ARHGAP21: variants seen among roughly 807,000 people sequenced by gnomAD.
The protein encoded by ARHGAP21 is rho GTPase-activating protein 21.
In ARHGAP21, 38 loss-of-function variants were observed where a neutral mutation model predicts 164.6. That is an observed-to-expected ratio of 0.23 (90% CI 0.18 to 0.30). ARHGAP21 has a LOEUF of 0.30. Ranked by LOEUF, ARHGAP21 falls within the 10% of genes least tolerant of loss-of-function variation. The pLI, the probability that ARHGAP21 is intolerant of heterozygous loss-of-function variation, is 1.00. For missense variants in ARHGAP21, 1,822 were observed against 2,370.7 expected (o/e 0.77, Z 4.81); for synonymous variants, 766 against 857.9 (o/e 0.89, Z 1.87).
chr10:24,689,430 C>A (rs1025336645), intron 2 of ARHGAP21, among the ~76,000 whole-genome samples: 1 of 152,112 alleles, frequency 6.6e-6, no homozygotes, highest in African/African-American at 2.4e-5. Context: ...CATATTCTTC[C>A]AGACTTTTTC....
intron 2 of ARHGAP21, among the ~76,000 whole-genome samples, chr10:24,689,940 ATG>A (rs550338378): frequency 6.8e-4 from 25 of 36,692 alleles, no homozygotes; most frequent in African/African-American, 2.4e-3. Context: ...ATATGTATAT[ATG>A]TATATGTGTG....
chr10:24,614,812 T>TA (rs1347360767), intron 9 of ARHGAP21, among the ~76,000 whole-genome samples: 4 of 150,186 alleles, frequency 2.7e-5, no homozygotes, highest in Non-Finnish European at 3.0e-5. Flanking sequence ...GGCTAGGTTT[T>TA]AAAAAAAACG....
rs1306643743 is a variant in ARHGAP21 at position 24,629,893 on chromosome 10, C to T, written c.495+103G>A. ...AAAGGAACCAGAGGGTTTTTAAATT[C>T]TAGAATTTTTTTTAAATTCCATCTT... On this transcript the variant is annotated intron_variant, in intron 7 of 25. Transcript: ENST00000396432. 3 of 867,002 alleles carry T rather than the reference C, an allele frequency of 3.5e-6. No individual in the cohort carries two copies. In the East Asian group the frequency reaches 7.5e-5, roughly 22 times the overall value. The allele number at this position is 867,002 out of a possible 1,614,324, so 53.7% of individuals were successfully genotyped here.
intron 9 of ARHGAP21, among the ~76,000 whole-genome samples, chr10:24,611,056 C>T (rs200685103): frequency 3.9e-5 from 6 of 152,102 alleles, no homozygotes; most frequent in African/African-American, 1.2e-4. Flanking sequence ...CTTCGTGTTC[C>T]GCAAGATAAC....
Position 24,619,251 on chromosome 10 carries a change from T to C in ARHGAP21, c.2422+222A>G, listed in dbSNP as rs184074396. 3.2e-3 allele frequency among the ~76,000 whole-genome samples: 439 copies of C among 138,708 alleles called. 1 individual carries two copies. The highest frequency in any genetic ancestry group is 5.1e-3 in the Non-Finnish European group (322 of 63,120). The allele number at this position is 138,708 out of a possible 152,430, so 91.0% of individuals were successfully genotyped here. On this transcript the variant is annotated intron_variant, in intron 9 of 25. Coordinates refer to ENST00000396432, the MANE Select transcript of ARHGAP21 (RefSeq NM_020824.4). ...AAATTTGAAATGGGTACTAGGTACA[T>C]GAAGTTTTTGTTTTTTTTTTAAAAA...
At chr10:24,654,191 A>G (rs866635244) in intron 4 of ARHGAP21, among the ~76,000 whole-genome samples, 5 of 152,152 alleles carry the variant, frequency 3.3e-5, no homozygotes, top group Middle Eastern at 3.2e-3. Context: ...GCAAAAACTG[A>G]AAGCATTCCC....
At chr10:24,630,599 C>T (rs188119973) in intron 6 of ARHGAP21, among the ~76,000 whole-genome samples, 231 of 152,248 alleles carry the variant, frequency 1.5e-3, no homozygotes, top group Admixed American at 2.6e-3. Context: ...CTAAGCCATT[C>T]TCATGCCTCA....
intron 5 of ARHGAP21, among the ~76,000 whole-genome samples, chr10:24,634,444 T>C (rs1161641443): frequency 6.6e-6 from 1 of 152,200 alleles, no homozygotes; most frequent in African/African-American, 2.4e-5. Flanking sequence ...TGCACTAATA[T>C]AAATGAAATC....
chr10:24,708,673 G>A (rs1844479382), intron 2 of ARHGAP21, among the ~76,000 whole-genome samples: 1 of 152,176 alleles, frequency 6.6e-6, no homozygotes, highest in African/African-American at 2.4e-5. Flanking sequence ...GCGAGAACAT[G>A]CAATATTCAA....
At chr10:24,670,489 G>A (rs904346900) in intron 2 of ARHGAP21, 92 bp from the exon 3 acceptor site, 14 of 786,708 alleles carry the variant, frequency 1.8e-5, no homozygotes, top group Non-Finnish European at 2.5e-5. Flanking sequence ...ATACCTGAGC[G>A]CCGATATGAA....
At position 24,607,606 on chromosome 10, in the gene ARHGAP21, A is replaced by T; in HGVS notation, c.2582-5T>A. 1 of 1,613,272 alleles carries T rather than the reference A, an allele frequency of 6.2e-7. No individual in the cohort carries two copies. Among genetic ancestry groups the T allele is most frequent in the Non-Finnish European group, 8.5e-7 (1 of 1,179,342 alleles). Reference sequence around the variant, plus strand: ...GGCTAGGAGGGCCAACAGATTCTGTAATTAATTAAAATCCAATATTTAGAC... The same window carrying T: ...GGCTAGGAGGGCCAACAGATTCTGTTATTAATTAAAATCCAATATTTAGAC... On this transcript the variant is annotated splice_region_variant and splice_polypyrimidine_tract_variant and intron_variant, in intron 10 of 25. Transcript: ENST00000396432.
chr10:24,663,056 T>C (rs1264457504), intron 4 of ARHGAP21, among the ~76,000 whole-genome samples: 5 of 152,204 alleles, frequency 3.3e-5, no homozygotes, highest in Admixed American at 3.3e-4. Context: ...CAGGGTCTAT[T>C]ACAGGACATG....
chr10:24,605,588 T>C (rs2076989605), intron 11 of ARHGAP21, among the ~76,000 whole-genome samples: 1 of 152,172 alleles, frequency 6.6e-6, no homozygotes, highest in African/African-American at 2.4e-5. Context: ...AAAGAACTAC[T>C]TTTATTGGAA....
Position 24,664,445 on chromosome 10 carries a change from C to A in ARHGAP21, c.268+2540G>T, listed in dbSNP as rs142422520. Among the ~76,000 whole-genome samples the A allele has an allele frequency of 1.7e-4, 26 of 151,762 alleles. No individual in the cohort carries two copies. The East Asian group carries it at 4.9e-3, about 28-fold the overall frequency. ...TGGCGTGCGCTTTTAGTCCCAGCTA[C>A]TGATGGTGGGTGAGGCAGGAGAATC... On this transcript the variant is annotated intron_variant, in intron 4 of 25. Transcript: ENST00000396432.
intron 2 of ARHGAP21, among the ~76,000 whole-genome samples, chr10:24,688,855 C>G (rs10828686): frequency 0.53 from 80,040 of 152,008 alleles, 21,205 homozygotes; most frequent in Middle Eastern, 0.57. Context: ...TAGAATTACT[C>G]AATCTCAGAG....
intron 7 of ARHGAP21, among the ~76,000 whole-genome samples, chr10:24,628,659 TTA>T (rs1192623649): frequency 1.3e-5 from 2 of 151,636 alleles, no homozygotes; most frequent in African/African-American, 4.9e-5. Context: ...CCTAGATCTG[TTA>T]GTTGTAAGTA....
intron 8 of ARHGAP21, among the ~76,000 whole-genome samples, chr10:24,622,385 G>GT (rs1834631415): frequency 7.2e-6 from 1 of 138,262 alleles, no homozygotes; most frequent in Non-Finnish European, 1.5e-5. Context: ...AGCCACAAAC[G>GT]TAACAGCAAA....
intron 2 of ARHGAP21, among the ~76,000 whole-genome samples, chr10:24,672,149 A>T (rs1840767950): frequency 6.6e-6 from 1 of 151,628 alleles, no homozygotes; most frequent in Non-Finnish European, 1.5e-5. Context: ...TTTTCCTTCC[A>T]TTTCTCTGAA....
At chr10:24,595,224 A>AAATTGCCTAGGTGAATTGTAATCTAG in intron 19 of ARHGAP21, 34 bp from the exon 20 acceptor site, 1 of 1,549,326 alleles carries the variant, frequency 6.5e-7, no homozygotes, top group South Asian at 1.2e-5. Flanking sequence ...AATTTATCTT[A>AAATTGCCTAGGTGAATTGTAATCTAG]AATTGCCTAG....
Sources: allele counts gnomAD v4.1 joint callset (sites outside exome capture counted in the v4.1 genomes callset), GRCh38; gene constraint gnomAD v4.1.1; transcripts MANE v1.5; gene names NCBI Gene and HGNC (gene_info 2026-07-23, HGNC 2026-07-21).